CFDP1: variants seen among roughly 807,000 people sequenced by gnomAD.
The protein encoded by CFDP1 is chromatin remodeling protein CFDP1.
Under a neutral mutation model 40.1 loss-of-function variants are expected in CFDP1, and 31 were observed. The ratio of observed to expected loss-of-function variants is 0.77; its 90% CI spans 0.58 to 1.04. The LOEUF is 1.04. Ranked by LOEUF, CFDP1 falls within the 50% of genes least tolerant of loss-of-function variation. The pLI, the probability that CFDP1 is intolerant of heterozygous loss-of-function variation, is 0.00. For synonymous variants in CFDP1, 167 were observed against 120.0 expected (o/e 1.39, Z -2.56); for missense variants, 423 against 343.4 (o/e 1.23, Z -1.83).
intron 5 of CFDP1, among the ~76,000 whole-genome samples, chr16:75,358,851 T>G (rs1396379456): frequency 6.6e-6 from 1 of 152,060 alleles, no homozygotes; most frequent in Admixed American, 6.6e-5. Context: ...AGACTTTTGA[T>G]TGGCACTGAT....
At chr16:75,309,646 C>G (rs892108737) in intron 5 of CFDP1, among the ~76,000 whole-genome samples, 3 of 151,922 alleles carry the variant, frequency 2.0e-5, no homozygotes, top group African/African-American at 7.3e-5. Flanking sequence ...CGGTGAAACC[C>G]CGTCTCTACT....
At chr16:75,381,465 A>G (rs757473449) in intron 5 of CFDP1, among the ~76,000 whole-genome samples, 17 of 152,126 alleles carry the variant, frequency 1.1e-4, no homozygotes, top group Admixed American at 3.3e-4. Context: ...GTTAGGGGCT[A>G]GGGGGAAAGA....
chr16:75,332,697 TA>T (rs2078454878), intron 5 of CFDP1, among the ~76,000 whole-genome samples: 2 of 151,064 alleles, frequency 1.3e-5, no homozygotes, highest in South Asian at 4.2e-4. Flanking sequence ...GAGTTGTCTA[TA>T]TTTTTTATAT....
Position 75,380,586 on chromosome 16 carries a change from G to A in CFDP1, c.650+14504C>T, listed in dbSNP as rs73619652. ...AAAAAAAAATCACATAACAGCCCAA[G>A]GAACAGAGAAGAAAGTGTATCTAAG... On this transcript the variant is annotated intron_variant, in intron 5 of 6. Coordinates refer to ENST00000283882, the MANE Select transcript of CFDP1 (RefSeq NM_006324.3). 4.3e-3 allele frequency among the ~76,000 whole-genome samples: 654 copies of A among 152,200 alleles called. 1 individual carries two copies. The highest frequency in any genetic ancestry group is 0.015 in the African/African-American group (630 of 41,540).
In CFDP1 at chr16:75,382,347, T is replaced by C. The variant is rs58452178; in HGVS notation, c.650+12743A>G. 7.2e-4 allele frequency among the ~76,000 whole-genome samples: 110 copies of C among 152,342 alleles called. 1 individual carries two copies. The East Asian group carries it at 0.02, about 28-fold the overall frequency. On this transcript the variant is annotated intron_variant, in intron 5 of 6. Coordinates refer to ENST00000283882, the MANE Select transcript of CFDP1 (RefSeq NM_006324.3). ...AAACACTGATCCTTTGCTTTCATTA[T>C]GGTGTTAGAAGTTCTACTTCAAAGG...
chr16:75,303,400 A>ATGAATGAATGTATGTATGT lies in CFDP1; in HGVS notation c.809+1623_809+1624insACATACATACATTCATTCA. On this transcript the variant is annotated intron_variant, in intron 6 of 6. Coordinates refer to ENST00000283882, the MANE Select transcript of CFDP1 (RefSeq NM_006324.3). ...AAATAAATAAATAAATAAATAAATA[A>ATGAATGAATGTATGTATGT]ATGTATGTATGTATGTATGTATGTA... Among the ~76,000 whole-genome samples, 4 of 146,246 alleles carry ATGAATGAATGTATGTATGT rather than the reference A, an allele frequency of 2.7e-5. No individual in the cohort carries two copies. The East Asian group carries it at 8.0e-4, about 29-fold the overall frequency.
chr16:75,310,400 CTTGA>C (rs2078287704), intron 5 of CFDP1, among the ~76,000 whole-genome samples: 2 of 152,146 alleles, frequency 1.3e-5, no homozygotes, highest in African/African-American at 2.4e-5. Flanking sequence ...CAACCAAGAC[CTTGA>C]TTAAGAAACT....
In CFDP1 at chr16:75,416,121, C is replaced by G. The variant is rs114659019; in HGVS notation, c.65-1426G>C. Among the ~76,000 whole-genome samples the G allele has an allele frequency of 7.7e-3, 1,171 of 152,028 alleles. 18 individuals are homozygous for G. Among genetic ancestry groups the G allele is most frequent in the African/African-American group, 0.026 (1,073 of 41,448 alleles). ...GCCGCCTTGGCCTCCCAAAGTGCTG[C>G]GATTACAGACAGGAGCCACCGCACA... On this transcript the variant is annotated intron_variant, in intron 1 of 6. Coordinates refer to ENST00000283882, the MANE Select transcript of CFDP1 (RefSeq NM_006324.3).
intron 5 of CFDP1, among the ~76,000 whole-genome samples, chr16:75,352,008 A>C (rs1390738282): frequency 4.7e-5 from 1 of 21,070 alleles, no homozygotes; most frequent in African/African-American, 9.6e-5. Context: ...ACTCTGTCTC[A>C]AAAAAAAAAA....
chr16:75,297,195 T>TGTGTGTG (rs1491320265), intron 6 of CFDP1, among the ~76,000 whole-genome samples: 121 of 149,942 alleles, frequency 8.1e-4, no homozygotes, highest in South Asian at 1.3e-3. Flanking sequence ...TGTGTGTGTG[T>TGTGTGTG]TTTTAGTAGA....
At chr16:75,359,039 C>T (rs573313549) in intron 5 of CFDP1, among the ~76,000 whole-genome samples, 1 of 152,298 alleles carries the variant, frequency 6.6e-6, no homozygotes, top group South Asian at 2.1e-4. Context: ...GTAAAATACT[C>T]CTTCCTTTTC....
intron 1 of CFDP1, among the ~76,000 whole-genome samples, chr16:75,426,659 G>C (rs1465491980): frequency 6.6e-6 from 1 of 152,104 alleles, no homozygotes; most frequent in African/African-American, 2.4e-5. Flanking sequence ...CTGGGCAACA[G>C]AGCAAGACTC....
intron 5 of CFDP1, among the ~76,000 whole-genome samples, chr16:75,330,514 C>T (rs1015056743): frequency 2.0e-5 from 3 of 152,112 alleles, no homozygotes; most frequent in African/African-American, 7.2e-5. Context: ...ACTTGAACCC[C>T]AAAGGTGCAG....
intron 5 of CFDP1, among the ~76,000 whole-genome samples, chr16:75,326,567 T>G (rs966167686): frequency 2.0e-5 from 3 of 152,230 alleles, no homozygotes; most frequent in Non-Finnish European, 4.4e-5. Context: ...TTCAGTGGTC[T>G]GAGCTGGGGA....
At position 75,304,832 on chromosome 16, in the gene CFDP1, C is replaced by G. The variant is rs116259127; in HGVS notation, c.809+192G>C. On this transcript the variant is annotated intron_variant, in intron 6 of 6. Coordinates refer to ENST00000283882, the MANE Select transcript of CFDP1 (RefSeq NM_006324.3). ...TCACATGCCCCGCCTTCCCTCCACC[C>G]GCAGTGGCCTTCCCAGTGACAGGCC... 1.8e-3 allele frequency among the ~76,000 whole-genome samples: 280 copies of G among 152,338 alleles called. 1 individual carries two copies. The highest frequency in any genetic ancestry group is 6.6e-3 in the African/African-American group (276 of 41,586).
At chr16:75,346,748 A>C (rs559283047) in intron 5 of CFDP1, among the ~76,000 whole-genome samples, 1 of 147,850 alleles carries the variant, frequency 6.8e-6, no homozygotes, top group African/African-American at 2.5e-5. Context: ...GTCAGCACCT[A>C]CTACAAAAGA....
intron 4 of CFDP1, among the ~76,000 whole-genome samples, chr16:75,399,212 T>C (rs1311178063): frequency 6.6e-6 from 1 of 152,218 alleles, no homozygotes; most frequent in Non-Finnish European, 1.5e-5. Flanking sequence ...CAATTATTTT[T>C]TAAAGCCACT....
intron 5 of CFDP1, among the ~76,000 whole-genome samples, chr16:75,324,312 G>C (rs2078388439): frequency 6.6e-6 from 1 of 152,114 alleles, no homozygotes; most frequent in Non-Finnish European, 1.5e-5. Flanking sequence ...GAGGCAACAG[G>C]CACTGAGATG....
chr16:75,316,957 G>C (rs2078327219), intron 5 of CFDP1, among the ~76,000 whole-genome samples: 1 of 151,990 alleles, frequency 6.6e-6, no homozygotes, highest in African/African-American at 2.4e-5. Context: ...CTCCAGCCTG[G>C]GCGACAAGAG....
Sources: allele counts gnomAD v4.1 joint callset (sites outside exome capture counted in the v4.1 genomes callset), GRCh38; gene constraint gnomAD v4.1.1; transcripts MANE v1.5; gene names NCBI Gene and HGNC (gene_info 2026-07-23, HGNC 2026-07-21).